The following NALF1 variants were observed in gnomAD, a reference collection of about 807,000 sequenced individuals.
The protein encoded by NALF1 is family with sequence similarity 155 member A.
Under a neutral mutation model 48.4 loss-of-function variants are expected in NALF1, and 3 were observed. The observed-to-expected ratio is 0.06, with a 90% confidence interval of 0.03 to 0.16. NALF1 has a LOEUF of 0.16. Among genes scored for constraint, NALF1 ranks in the 10% least tolerant of loss-of-function variants. The pLI is 1.00. For synonymous variants in NALF1, 262 were observed against 245.7 expected, an observed-to-expected ratio of 1.07 and a Z score of -0.62; for missense variants, 526 against 571.5, an observed-to-expected ratio of 0.92 and a Z score of 0.81.
chr13:107,228,769 C>T (rs528094070), intron 1 of NALF1, among the ~76,000 whole-genome samples: 6 of 152,164 alleles, frequency 3.9e-5, no homozygotes, highest in African/African-American at 7.2e-5. Flanking sequence ...AACAGGCATG[C>T]GCCACCACAC....
chr13:107,190,763 G>T lies in NALF1; in HGVS notation c.1087+19821C>A, dbSNP rs564876279. On this transcript the variant is annotated intron_variant, in intron 2 of 2. Coordinates refer to ENST00000375915, the MANE Select transcript of NALF1 (RefSeq NM_001080396.3). ...TTATTTTTCAGACTTGAATTGAATG[G>T]ACTTCCAGTAATTTTAATATTTCCA... Among the ~76,000 whole-genome samples the T allele has an allele frequency of 2.6e-5, 4 of 152,204 alleles. No individual in the cohort carries two copies. The East Asian group carries it at 7.7e-4, about 29-fold the overall frequency.
At chr13:107,557,574 C>A (rs1877517198) in intron 1 of NALF1, among the ~76,000 whole-genome samples, 1 of 152,144 alleles carries the variant, frequency 6.6e-6, no homozygotes, top group Non-Finnish European at 1.5e-5. Context: ...CTGCTCCTGG[C>A]TCTGTCTCTG....
chr13:107,591,779 T>C (rs964345342), intron 1 of NALF1, among the ~76,000 whole-genome samples: 1 of 152,062 alleles, frequency 6.6e-6, no homozygotes, highest in African/African-American at 2.4e-5. Flanking sequence ...AATTAAAATA[T>C]TTGGTAAAAT....
intron 1 of NALF1, among the ~76,000 whole-genome samples, chr13:107,543,324 C>T (rs1398811227): frequency 1.3e-5 from 2 of 151,842 alleles, no homozygotes; most frequent in African/African-American, 4.8e-5. Flanking sequence ...ATTACAACAA[C>T]CATAAAACAA....
At position 107,690,945 on chromosome 13, in the gene NALF1, T is replaced by C. The variant is rs78532652; in HGVS notation, c.915+174737A>G. Reference sequence around the variant, plus strand: ...CATAAATCTGAGCCAATGCAATTCATAATCTGTTATGGGTTGAATTGTGTC... The same window carrying C: ...CATAAATCTGAGCCAATGCAATTCACAATCTGTTATGGGTTGAATTGTGTC... On this transcript the variant is annotated intron_variant, in intron 1 of 2. Coordinates refer to ENST00000375915, the MANE Select transcript of NALF1 (RefSeq NM_001080396.3). 9.1e-3 allele frequency among the ~76,000 whole-genome samples: 1,393 copies of C among 152,344 alleles called. 21 individuals carry two copies. Among genetic ancestry groups the C allele is most frequent in the African/African-American group, 0.031 (1,285 of 41,576 alleles).
intron 1 of NALF1, among the ~76,000 whole-genome samples, chr13:107,668,461 C>A (rs1880913138): frequency 1.3e-5 from 2 of 151,990 alleles, no homozygotes; most frequent in African/African-American, 4.8e-5. Context: ...TCAGCTTCAA[C>A]TTCTCTAGGG....
chr13:107,766,283 A>G (rs1877416583), intron 1 of NALF1, among the ~76,000 whole-genome samples: 1 of 152,214 alleles, frequency 6.6e-6, no homozygotes, highest in East Asian at 1.9e-4. Context: ...TTTAGACAGC[A>G]ATCTAAAGCC....
chr13:107,327,864 G>A (rs1301329094), intron 1 of NALF1, among the ~76,000 whole-genome samples: 1 of 151,974 alleles, frequency 6.6e-6, no homozygotes, highest in Non-Finnish European at 1.5e-5. Flanking sequence ...TTATAGAGTG[G>A]TACTCCAGCC....
rs375677315 is a variant in NALF1, at chr13:107,679,622, G to A, written c.915+186060C>T. On this transcript the variant is annotated intron_variant, in intron 1 of 2. Coordinates refer to ENST00000375915, the MANE Select transcript of NALF1 (RefSeq NM_001080396.3). ...TCAGGACCTCCTCAGCGCCCCCCAC[G>A]GGGTCAGGGAGGTGTCATTGCTCAG... 6.8e-4 allele frequency among the ~76,000 whole-genome samples: 104 copies of A among 152,300 alleles called. 1 individual carries two copies. In the South Asian group the frequency reaches 0.02, roughly 29 times the overall value.
At chr13:107,185,008 A>T (rs1879142447) in intron 2 of NALF1, among the ~76,000 whole-genome samples, 1 of 152,198 alleles carries the variant, frequency 6.6e-6, no homozygotes, top group South Asian at 2.1e-4. Context: ...AAAAGAAAAG[A>T]TGTGGACACA....
Position 107,319,100 on chromosome 13 carries a change from C to G in NALF1, c.916-108345G>C, listed in dbSNP as rs532759312. 2.0e-5 allele frequency among the ~76,000 whole-genome samples: 3 copies of G among 152,146 alleles called. No homozygotes were observed. In the East Asian group the frequency reaches 5.8e-4, roughly 29 times the overall value. ...GTGCTCAAAGATGGAGGCAGGGTGTCTCTCAGCATTGTTTGATTGAAAGAT... is the reference window on the plus strand; with the variant it reads ...GTGCTCAAAGATGGAGGCAGGGTGTGTCTCAGCATTGTTTGATTGAAAGAT... On this transcript the variant is annotated intron_variant, in intron 1 of 2. Coordinates refer to ENST00000375915, the MANE Select transcript of NALF1 (RefSeq NM_001080396.3).
At chr13:107,675,417 T>G (rs530759870) in intron 1 of NALF1, among the ~76,000 whole-genome samples, 13 of 152,214 alleles carry the variant, frequency 8.5e-5, no homozygotes, top group Admixed American at 5.9e-4. Flanking sequence ...TTTCTGCGGA[T>G]GGGGGGGAAG....
At chr13:107,460,223 G>A (rs577934287) in intron 1 of NALF1, among the ~76,000 whole-genome samples, 3 of 152,298 alleles carry the variant, frequency 2.0e-5, no homozygotes, top group Admixed American at 6.5e-5. Context: ...AAAGCAAGAA[G>A]CCCAGACACC....
At chr13:107,780,869 T>C (rs565631998) in intron 1 of NALF1, among the ~76,000 whole-genome samples, 1 of 152,336 alleles carries the variant, frequency 6.6e-6, no homozygotes, top group East Asian at 1.9e-4. Context: ...ATAATCTTTT[T>C]GTAGTGCCTT....
intron 1 of NALF1, among the ~76,000 whole-genome samples, chr13:107,432,441 T>C (rs1359832281): frequency 6.6e-6 from 1 of 152,192 alleles, no homozygotes; most frequent in Non-Finnish European, 1.5e-5. Context: ...GCTACAATTA[T>C]CTGGAAGCTT....
In NALF1 at chr13:107,591,339, A is replaced by C. The variant is rs1036977395; in HGVS notation, c.915+274343T>G. Among the ~76,000 whole-genome samples the C allele has an allele frequency of 9.2e-5, 14 of 151,980 alleles. No homozygotes were observed. The South Asian group carries it at 1.4e-3, about 16-fold the overall frequency. ...CAAGTTTAATACGTATTCTGCACAT[A>C]ATAGGCTTCCATCATTCAGCATTGA... On this transcript the variant is annotated intron_variant, in intron 1 of 2. Coordinates refer to ENST00000375915, the MANE Select transcript of NALF1 (RefSeq NM_001080396.3).
At chr13:107,200,524 C>T (rs1004803519) in intron 2 of NALF1, among the ~76,000 whole-genome samples, 3 of 152,240 alleles carry the variant, frequency 2.0e-5, no homozygotes, top group East Asian at 3.9e-4. Flanking sequence ...CTCTTTCATC[C>T]GTCTCTACTT....
At chr13:107,325,887 T>TATATATATATATATATACAC (rs752320518) in intron 1 of NALF1, among the ~76,000 whole-genome samples, 7 of 58,900 alleles carry the variant, frequency 1.2e-4, no homozygotes, top group East Asian at 4.7e-4. Flanking sequence ...TATATATATA[T>TATATATATATATATATACAC]ACACACACAC....
At chr13:107,610,000 T>C (rs1466541311) in intron 1 of NALF1, among the ~76,000 whole-genome samples, 2 of 152,188 alleles carry the variant, frequency 1.3e-5, no homozygotes, top group Non-Finnish European at 2.9e-5. Flanking sequence ...ATGATGATGA[T>C]TGATAGACAA....
Sources: gnomAD v4.1 joint callset for allele counts (sites outside exome capture counted in the v4.1 genomes callset) on GRCh38, gnomAD v4.1.1 for gene constraint, MANE v1.5 for transcripts, NCBI Gene and HGNC (gene_info 2026-07-23, HGNC 2026-07-21) for gene names.